PRKCA: variants seen among roughly 807,000 people sequenced by gnomAD.
The protein encoded by PRKCA is protein kinase C alpha type.
In PRKCA, 27 loss-of-function variants were observed where a neutral mutation model predicts 87.0. That is an observed-to-expected ratio of 0.31 (90% CI 0.23 to 0.43). The LOEUF (loss-of-function observed/expected upper bound fraction) is 0.43. PRKCA is among the 20% of genes least tolerant of loss of function. The pLI is 1.00. For missense variants in PRKCA, 518 were observed against 852.3 expected (o/e 0.61, Z 4.88); for synonymous variants, 329 against 311.1 (o/e 1.06, Z -0.61).
At chr17:66,497,614 A>T (rs978885579) in intron 3 of PRKCA, among the ~76,000 whole-genome samples, 1 of 152,194 alleles carries the variant, frequency 6.6e-6, no homozygotes, top group Non-Finnish European at 1.5e-5. Context: ...AATAAAAAAA[A>T]TTGTCAGGCA....
At chr17:66,545,603 T>C (rs192508025) in intron 3 of PRKCA, among the ~76,000 whole-genome samples, 1 of 152,260 alleles carries the variant, frequency 6.6e-6, no homozygotes, top group East Asian at 1.9e-4. Context: ...TCGGGAGAAT[T>C]AATGAGAAAA....
chr17:66,369,580 C>T (rs1908971867), intron 2 of PRKCA, among the ~76,000 whole-genome samples: 1 of 152,206 alleles, frequency 6.6e-6, no homozygotes, highest in South Asian at 2.1e-4. Context: ...GTACTTATTT[C>T]ATCCCCAAGC....
chr17:66,582,619 TA>T (rs1969479640), intron 3 of PRKCA, among the ~76,000 whole-genome samples: 1 of 103,626 alleles, frequency 9.7e-6, no homozygotes, highest in South Asian at 3.2e-4. Flanking sequence ...GTGAGTCCAT[TA>T]AACCTCTTTC....
intron 5 of PRKCA, among the ~76,000 whole-genome samples, chr17:66,664,647 G>GTTT (rs398031366): frequency 1.8e-4 from 12 of 67,812 alleles, no homozygotes; most frequent in East Asian, 5.1e-4. Context: ...TTTTGCTTTG[G>GTTT]TTTTTTTTTT....
intron 5 of PRKCA, among the ~76,000 whole-genome samples, chr17:66,663,127 C>T (rs62072402): frequency 7.8e-4 from 118 of 152,162 alleles, no homozygotes; most frequent in Non-Finnish European, 1.1e-3. Context: ...GCAAGGAAGC[C>T]GAGCAAAGCC....
intron 2 of PRKCA, among the ~76,000 whole-genome samples, chr17:66,411,859 G>GGCCA (rs397736269): frequency 1.3e-5 from 2 of 151,184 alleles, no homozygotes; most frequent in East Asian, 1.9e-4. Context: ...GCAATGGGCC[G>GGCCA]CCTACTTTCT....
chr17:66,728,865 CTG>C (rs1305392763), intron 8 of PRKCA, among the ~76,000 whole-genome samples: 2 of 152,232 alleles, frequency 1.3e-5, no homozygotes, highest in African/African-American at 4.8e-5. Flanking sequence ...CAGTTGGAAA[CTG>C]GGCATTCGTT....
intron 2 of PRKCA, among the ~76,000 whole-genome samples, chr17:66,493,614 T>A (rs975549415): frequency 6.6e-6 from 1 of 152,042 alleles, no homozygotes; most frequent in East Asian, 1.9e-4. Flanking sequence ...TACAGCATGC[T>A]AGATTTGGGG....
intron 3 of PRKCA, among the ~76,000 whole-genome samples, chr17:66,546,030 T>C (rs1361950499): frequency 6.6e-6 from 1 of 152,252 alleles, no homozygotes; most frequent in Admixed American, 6.5e-5. Flanking sequence ...ACTTTTCATA[T>C]ATCTGTGTCT....
rs1461630973 is a variant in PRKCA, at chr17:66,778,846, A to C, written c.1605+4779A>C. Among the ~76,000 whole-genome samples, 23 of 132,092 alleles carry C rather than the reference A, an allele frequency of 1.7e-4. No individual in the cohort carries two copies. In the East Asian group the frequency reaches 4.7e-3, roughly 27 times the overall value. The allele number at this position is 132,092 out of a possible 152,430, so 86.7% of individuals were successfully genotyped here. On this transcript the variant is annotated intron_variant, in intron 14 of 16. Transcript: ENST00000413366. ...GGTGAGAGAGTGAGACCCTGTCTCCAAAAAAAAAAAAAAAAACAACAACTC... is the reference window on the plus strand; with the variant it reads ...GGTGAGAGAGTGAGACCCTGTCTCCCAAAAAAAAAAAAAAAACAACAACTC...
At chr17:66,503,380 T>C (rs1237128242) in intron 3 of PRKCA, among the ~76,000 whole-genome samples, 1 of 152,166 alleles carries the variant, frequency 6.6e-6, no homozygotes, top group Non-Finnish European at 1.5e-5. Flanking sequence ...ACCGGTGACG[T>C]CACAGGTTCA....
chr17:66,738,958 A>G, intron 11 of PRKCA, 103 bp downstream of exon 11: 1 of 906,264 alleles, frequency 1.1e-6, no homozygotes, highest in South Asian at 1.5e-5. Flanking sequence ...TCACTCTGTC[A>G]CTCAGGCTTT....
At chr17:66,796,882 A>T (rs1235056081) in intron 16 of PRKCA, 1 of 985,272 alleles carries the variant, frequency 1.0e-6, no homozygotes, top group Admixed American at 6.2e-5. Context: ...GCATTTGGTC[A>T]TCGTAAGGGG....
At chr17:66,515,519 G>A (rs925901280) in intron 3 of PRKCA, among the ~76,000 whole-genome samples, 11 of 152,154 alleles carry the variant, frequency 7.2e-5, no homozygotes, top group Non-Finnish European at 1.0e-4. Context: ...AAGGAGACAA[G>A]GATGAGGAAG....
At chr17:66,553,181 CGT>C (rs1329892656) in intron 3 of PRKCA, among the ~76,000 whole-genome samples, 2 of 151,874 alleles carry the variant, frequency 1.3e-5, no homozygotes, top group African/African-American at 4.8e-5. Flanking sequence ...GGGGTTTTGC[CGT>C]GTTGCCCAGG....
chr17:66,452,681 CTGTT>C (rs978373302), intron 2 of PRKCA, among the ~76,000 whole-genome samples: 1 of 152,090 alleles, frequency 6.6e-6, no homozygotes, highest in Non-Finnish European at 1.5e-5. Flanking sequence ...TCTACAGTGA[CTGTT>C]TGGGTCACAA....
At chr17:66,661,207 A>G (rs1378262712) in intron 5 of PRKCA, among the ~76,000 whole-genome samples, 1 of 151,970 alleles carries the variant, frequency 6.6e-6, no homozygotes, top group Non-Finnish European at 1.5e-5. Flanking sequence ...TGTGTCAGTC[A>G]CAAATCCAAA....
At chr17:66,608,470 TATA>T (rs367836545) in intron 3 of PRKCA, among the ~76,000 whole-genome samples, 1,837 of 152,366 alleles carry the variant, frequency 0.012, 37 homozygotes, top group African/African-American at 0.042. Context: ...CCTAACGCAC[TATA>T]AATTATGTAT....
intron 9 of PRKCA, 51 bp from the exon 10 acceptor site, chr17:66,735,438 C>A: frequency 6.2e-7 from 1 of 1,608,804 alleles, no homozygotes. Flanking sequence ...TCCCTCTGCC[C>A]CCCAAGATAT....
Sources: gnomAD v4.1 joint callset for allele counts (sites outside exome capture counted in the v4.1 genomes callset) on GRCh38, gnomAD v4.1.1 for gene constraint, MANE v1.5 for transcripts, NCBI Gene and HGNC (gene_info 2026-07-23, HGNC 2026-07-21) for gene names.